RBMS3: variants seen among roughly 807,000 people sequenced by gnomAD.
RBMS3 encodes RNA binding motif single stranded interacting protein 3, also known as RNA-binding motif, single-stranded-interacting protein 3.
RBMS3 carries 27 observed loss-of-function variants against 66.8 expected under a neutral mutation model. The observed-to-expected ratio is 0.40, with a 90% CI of 0.30 to 0.56. The LOEUF (loss-of-function observed/expected upper bound fraction) is 0.56. RBMS3 is among the 20% of genes least tolerant of loss of function. The pLI is 0.40. For missense variants in RBMS3, 513 were observed against 549.5 expected (o/e 0.93, Z 0.66); for synonymous variants, 188 against 183.0 (o/e 1.03, Z -0.22).
chr3:29,937,187 TA>T (rs1226660003), intron 11 of RBMS3, among the ~76,000 whole-genome samples: 1 of 152,034 alleles, frequency 6.6e-6, no homozygotes, highest in Non-Finnish European at 1.5e-5. Context: ...TTTGGGAAAA[TA>T]ATATCTCTAG....
At chr3:29,874,769 CAAT>C (rs574865975) in intron 7 of RBMS3, among the ~76,000 whole-genome samples, 1 of 151,514 alleles carries the variant, frequency 6.6e-6, no homozygotes, top group Non-Finnish European at 1.5e-5. Flanking sequence ...TTTGAATTCT[CAAT>C]AATTCAGCAT....
intron 1 of RBMS3, among the ~76,000 whole-genome samples, chr3:29,416,196 A>G (rs535375257): frequency 2.2e-4 from 34 of 152,132 alleles, no homozygotes; most frequent in Non-Finnish European, 1.9e-4. Context: ...AATTTTCAGA[A>G]CACCTCTTGG....
intron 4 of RBMS3, among the ~76,000 whole-genome samples, chr3:29,713,332 G>A (rs1004126188): frequency 6.6e-6 from 1 of 151,998 alleles, no homozygotes; most frequent in African/African-American, 2.4e-5. Flanking sequence ...TGAAAAGAAA[G>A]ATAAGACATA....
intron 6 of RBMS3, among the ~76,000 whole-genome samples, chr3:29,837,422 TA>T (rs2058540839): frequency 6.6e-6 from 1 of 151,616 alleles, no homozygotes; most frequent in East Asian, 1.9e-4. Flanking sequence ...TTAGAACATT[TA>T]ATCTGGATTT....
intron 1 of RBMS3, among the ~76,000 whole-genome samples, chr3:29,318,101 A>C (rs2034796524): frequency 6.6e-6 from 1 of 151,866 alleles, no homozygotes; most frequent in Non-Finnish European, 1.5e-5. Flanking sequence ...GCAAGTCTTC[A>C]GTATTAATTT....
intron 4 of RBMS3, among the ~76,000 whole-genome samples, chr3:29,666,465 A>G (rs932942432): frequency 4.6e-5 from 7 of 152,118 alleles, no homozygotes; most frequent in African/African-American, 1.7e-4. Context: ...TGCATCTTAT[A>G]TTTTCACAGG....
In RBMS3 at chr3:30,007,330, TC is replaced by T. The variant is rs1342735679; in HGVS notation, c.*3469del. On this transcript the variant is annotated 3_prime_UTR_variant, in exon 15 of 15. Coordinates refer to ENST00000383767, the MANE Select transcript of RBMS3 (RefSeq NM_001003793.3). ...ACTAGGACTATAATCTTTTTTTTTT[TC>T]TTTAAGTTGAAGTTAATTTTCTGTG... The T allele has an allele frequency of 6.6e-6, 1 of 152,110 alleles. No individual in the cohort carries two copies. Among genetic ancestry groups the T allele is most frequent in the Non-Finnish European group, 1.5e-5 (1 of 67,968 alleles). The allele number at this position is 152,110 out of a possible 1,614,324, so 9.4% of individuals were successfully genotyped here.
chr3:29,787,408 A>G (rs967433213), intron 6 of RBMS3, among the ~76,000 whole-genome samples: 4 of 152,204 alleles, frequency 2.6e-5, no homozygotes, highest in African/African-American at 7.2e-5. Flanking sequence ...CAAAATTTTC[A>G]ATTGCAAAAA....
intron 1 of RBMS3, among the ~76,000 whole-genome samples, chr3:29,408,000 C>T (rs941807452): frequency 9.9e-5 from 15 of 152,064 alleles, no homozygotes; most frequent in Non-Finnish European, 1.5e-4. Context: ...TGGCTGGGCA[C>T]GGTGACTCAC....
chr3:29,949,455 G>T (rs1577227713), intron 12 of RBMS3, among the ~76,000 whole-genome samples: 1 of 151,710 alleles, frequency 6.6e-6, no homozygotes, highest in East Asian at 1.9e-4. Flanking sequence ...AGCAGAATTT[G>T]GTCTGTGTGC....
intron 1 of RBMS3, among the ~76,000 whole-genome samples, chr3:29,407,529 T>TATGCATATTATATAATAA (rs1223540886): frequency 6.6e-6 from 1 of 152,208 alleles, no homozygotes; most frequent in Non-Finnish European, 1.5e-5. Flanking sequence ...TTGATTTAAA[T>TATGCATATTATATAATAA]ATGCATATTA....
chr3:29,734,836 T>A (rs1216746532), intron 4 of RBMS3, among the ~76,000 whole-genome samples: 2 of 152,136 alleles, frequency 1.3e-5, no homozygotes, highest in Non-Finnish European at 2.9e-5. Flanking sequence ...ATTTTGCATA[T>A]CCTTTTATTT....
At chr3:29,800,198 T>C (rs181962253) in intron 6 of RBMS3, among the ~76,000 whole-genome samples, 1 of 151,994 alleles carries the variant, frequency 6.6e-6, no homozygotes. Flanking sequence ...ACTGATTATC[T>C]AAATGGTTTT....
chr3:29,579,124 AC>A (rs1333124639), intron 3 of RBMS3, among the ~76,000 whole-genome samples: 1 of 152,124 alleles, frequency 6.6e-6, no homozygotes, highest in African/African-American at 2.4e-5. Context: ...TAAAGGGGTT[AC>A]CCCATATGTA....
chr3:29,349,488 C>G (rs9863871), intron 1 of RBMS3, among the ~76,000 whole-genome samples: 87,552 of 151,642 alleles, frequency 0.58, 25,294 homozygotes, highest in East Asian at 0.62. Flanking sequence ...TAACTCAGAG[C>G]AACATATTAA....
At chr3:29,805,809 A>G (rs545269614) in intron 6 of RBMS3, among the ~76,000 whole-genome samples, 2 of 152,176 alleles carry the variant, frequency 1.3e-5, no homozygotes, top group Non-Finnish European at 2.9e-5. Context: ...ACAGTGAGCT[A>G]AGTTTATTGT....
At chr3:29,348,339 T>C (rs2125552380) in intron 1 of RBMS3, among the ~76,000 whole-genome samples, 1 of 152,292 alleles carries the variant, frequency 6.6e-6, no homozygotes, top group East Asian at 1.9e-4. Context: ...CTCTAAAACT[T>C]TTAATCTAGT....
At chr3:29,678,213 C>G (rs1047493877) in intron 4 of RBMS3, among the ~76,000 whole-genome samples, 5 of 152,002 alleles carry the variant, frequency 3.3e-5, no homozygotes, top group African/African-American at 9.7e-5. Flanking sequence ...ATAAAATATT[C>G]TAGTGACTTG....
intron 6 of RBMS3, among the ~76,000 whole-genome samples, chr3:29,772,580 T>C (rs1016130313): frequency 6.6e-6 from 1 of 151,858 alleles, no homozygotes; most frequent in African/African-American, 2.4e-5. Context: ...AGATGAGAGA[T>C]TGGGCTCACC....
Sources: allele counts gnomAD v4.1 joint callset (sites outside exome capture counted in the v4.1 genomes callset), GRCh38; gene constraint gnomAD v4.1.1; transcripts MANE v1.5; gene names NCBI Gene and HGNC (gene_info 2026-07-23, HGNC 2026-07-21).